The following LPP variants were observed in gnomAD, a reference collection of about 807,000 sequenced individuals.
The protein encoded by LPP is lipoma-preferred partner.
LPP carries 38 observed loss-of-function variants against 60.4 expected under a neutral mutation model. The observed-to-expected ratio is 0.63, with a 90% CI of 0.49 to 0.83. LPP has a LOEUF of 0.83. Ranked by LOEUF, LPP falls within the 40% of genes least tolerant of loss-of-function variation. The probability of loss-of-function intolerance (pLI) is 0.00; values close to 1 mark genes in which losing one functional copy is unlikely to be tolerated. For missense variants in LPP, 902 were observed against 783.6 expected (o/e 1.15, Z -1.80); for synonymous variants, 328 against 290.8 (o/e 1.13, Z -1.30).
chr3:188,538,148 T>G (rs1824150105), intron 6 of LPP, among the ~76,000 whole-genome samples: 1 of 152,208 alleles, frequency 6.6e-6, no homozygotes, highest in South Asian at 2.1e-4. Flanking sequence ...GAAATTGGGT[T>G]AGTCAGTGGT....
At chr3:188,436,677 A>T (rs1792386098) in intron 4 of LPP, among the ~76,000 whole-genome samples, 1 of 152,248 alleles carries the variant, frequency 6.6e-6, no homozygotes, top group Admixed American at 6.5e-5. Context: ...GATTTTAAAA[A>T]TAGAAAACCA....
At chr3:188,803,381 AG>A (rs1747925553) in intron 9 of LPP, among the ~76,000 whole-genome samples, 1 of 152,116 alleles carries the variant, frequency 6.6e-6, no homozygotes, top group Non-Finnish European at 1.5e-5. Context: ...TATGTTCATG[AG>A]GTTCTTCTAA....
chr3:188,854,270 A>G (rs1255148774), intron 9 of LPP, among the ~76,000 whole-genome samples: 1 of 152,102 alleles, frequency 6.6e-6, no homozygotes, highest in African/African-American at 2.4e-5. Flanking sequence ...AGGGTGGGGG[A>G]GGAATCAAAA....
chr3:188,524,764 C>T lies in LPP; in HGVS notation c.406C>T (p.Pro136Ser), dbSNP rs199832564. 102 of 1,613,948 alleles carry T rather than the reference C, an allele frequency of 6.3e-5. No individual in the cohort carries two copies. The East Asian group carries it at 2.1e-3, about 33-fold the overall frequency. Residue 136 changes from proline to serine, a missense_variant, in exon 6 of 12, where the codon CCC (proline) becomes TCC (serine). Transcript: ENST00000617246. ...SILADLECSS[P>S]YKPRPPQSST... ...CTTGGCTGACCTTGAGTGCAGCTCC[C>T]CCTATAAGCCTCGGCCTCCACAGGT...
rs978495359 is a variant in LPP, at chr3:188,718,101, C to T, written c.1240+9708C>T. Among the ~76,000 whole-genome samples the T allele has an allele frequency of 3.3e-5, 5 of 152,260 alleles. No individual in the cohort carries two copies. In the East Asian group the frequency reaches 9.7e-4, roughly 29 times the overall value. ...CTCCCAAAAGTGCTGGGATTACAGG[C>T]GTGAGCCACTGCACCCGGCCTGGCT... On this transcript the variant is annotated intron_variant, in intron 8 of 11. Coordinates refer to ENST00000617246, the MANE Select transcript of LPP (RefSeq NM_001375462.1).
intron 1 of LPP, among the ~76,000 whole-genome samples, chr3:188,216,162 T>C (rs1237339239): frequency 6.6e-6 from 1 of 152,170 alleles, no homozygotes; most frequent in Non-Finnish European, 1.5e-5. Context: ...GCAGAATATA[T>C]AGATATGTGG....
chr3:188,369,082 C>T (rs531341336), intron 3 of LPP, among the ~76,000 whole-genome samples: 12 of 148,798 alleles, frequency 8.1e-5, no homozygotes, highest in African/African-American at 3.1e-4. Context: ...TCTCCTCCCA[C>T]CCCCATTTAC....
chr3:188,815,804 G>A (rs547841913), intron 9 of LPP, among the ~76,000 whole-genome samples: 1 of 152,210 alleles, frequency 6.6e-6, no homozygotes, highest in Non-Finnish European at 1.5e-5. Flanking sequence ...CTGTTTCTTT[G>A]GCAACTGTTC....
At chr3:188,184,803 T>C (rs1010014454) in intron 1 of LPP, among the ~76,000 whole-genome samples, 1 of 151,698 alleles carries the variant, frequency 6.6e-6, no homozygotes. Context: ...CCTCTGTTAA[T>C]GACTAAGAGT....
At chr3:188,747,421 C>T (rs909507754) in intron 8 of LPP, among the ~76,000 whole-genome samples, 1 of 152,198 alleles carries the variant, frequency 6.6e-6, no homozygotes, top group Non-Finnish European at 1.5e-5. Context: ...TGACTATTTT[C>T]TCTCTCACAC....
intron 1 of LPP, among the ~76,000 whole-genome samples, chr3:188,207,741 C>T (rs1466857600): frequency 5.9e-5 from 9 of 151,600 alleles, no homozygotes; most frequent in Non-Finnish European, 1.3e-4. Context: ...AGACATATGC[C>T]ACTGTGTCTG....
intron 7 of LPP, among the ~76,000 whole-genome samples, chr3:188,613,467 T>G (rs1304459994): frequency 3.9e-5 from 6 of 152,020 alleles, no homozygotes; most frequent in African/African-American, 1.4e-4. Flanking sequence ...TAAAAACTCA[T>G]CTCCGTCAGC....
At chr3:188,574,244 A>C (rs572778619) in intron 6 of LPP, among the ~76,000 whole-genome samples, 2 of 152,176 alleles carry the variant, frequency 1.3e-5, no homozygotes, top group African/African-American at 4.8e-5. Context: ...TGGGTGACTC[A>C]CAAATCTATT....
At chr3:188,163,424 C>T (rs1718925257) in intron 1 of LPP, among the ~76,000 whole-genome samples, 1 of 152,146 alleles carries the variant, frequency 6.6e-6, no homozygotes, top group African/African-American at 2.4e-5. Flanking sequence ...AGGCCACCAC[C>T]CAGCAGCGCA....
chr3:188,182,776 TATATA>T lies in LPP; in HGVS notation c.-190+28530_-190+28534del, dbSNP rs1235852879. ...TATGTACATATATTATATATGTGCA[TATATA>T]ATATATGTACATATACAATATATGC... On this transcript the variant is annotated intron_variant, in intron 1 of 11. Coordinates refer to ENST00000617246, the MANE Select transcript of LPP (RefSeq NM_001375462.1). The surrounding 1 kb of genome is among the most constrained non-coding windows in gnomAD (Gnocchi z 4.4). Among the ~76,000 whole-genome samples, 3 of 149,630 alleles carry T rather than the reference TATATA, an allele frequency of 2.0e-5. No individual in the cohort carries two copies. The highest frequency in any genetic ancestry group is 7.4e-5 in the African/African-American group (3 of 40,684).
intron 9 of LPP, among the ~76,000 whole-genome samples, chr3:188,794,604 G>T (rs2151065416): frequency 6.6e-6 from 1 of 152,274 alleles, no homozygotes; most frequent in Non-Finnish European, 1.5e-5. Context: ...CCATCGAGGA[G>T]ATTTGAGATT....
chr3:188,447,607 CAAAAAAA>C (rs59645249), intron 4 of LPP, among the ~76,000 whole-genome samples: 5 of 114,782 alleles, frequency 4.4e-5, no homozygotes, highest in Non-Finnish European at 3.7e-5. Flanking sequence ...GAGACTGCCT[CAAAAAAA>C]AAAAAAAAAA....
At chr3:188,778,486 A>G (rs902766252) in intron 9 of LPP, among the ~76,000 whole-genome samples, 12 of 152,180 alleles carry the variant, frequency 7.9e-5, no homozygotes, top group African/African-American at 2.4e-4. Context: ...TACATTCTGG[A>G]GGTGTAATTA....
Position 188,887,638 on chromosome 3 carries a change from AGT to A in LPP, c.*13161_*13162del, listed in dbSNP as rs1474414207. Reference sequence around the variant, plus strand: ...GGATTATAGTGCCAAAAATAGTTAAAGTGCCTTGGTCCTCCCTCTGTAGGCAG... The same window carrying A: ...GGATTATAGTGCCAAAAATAGTTAAAGCCTTGGTCCTCCCTCTGTAGGCAG... On this transcript the variant is annotated 3_prime_UTR_variant, in exon 12 of 12. Transcript: ENST00000617246. The A allele has an allele frequency of 9.4e-6, 2 of 212,036 alleles. No homozygotes were observed. Among genetic ancestry groups the A allele is most frequent in the African/African-American group, 4.5e-5 (2 of 44,218 alleles). 13.1% of individuals were successfully genotyped at this position (212,036 alleles called of 1,614,324 possible). A position where few individuals can be genotyped will look rare whatever the true frequency, so the allele number is the denominator to read the frequency against.
Sources: allele counts gnomAD v4.1 joint callset (sites outside exome capture counted in the v4.1 genomes callset), GRCh38; gene constraint gnomAD v4.1.1; non-coding constraint Gnocchi (gnomAD v3.1); transcripts MANE v1.5; gene names NCBI Gene and HGNC (gene_info 2026-07-23, HGNC 2026-07-21).